Variants in TMC5 observed in about 807,000 individuals in gnomAD.
TMC5 encodes the protein transmembrane channel like 5, also known as transmembrane channel-like protein 5.
Under a neutral mutation model 110.5 loss-of-function variants are expected in TMC5, and 86 were observed. That is an observed-to-expected ratio of 0.78 (90% CI 0.65 to 0.93). The LOEUF is 0.93. Ranked by LOEUF, TMC5 falls within the 40% of genes least tolerant of loss-of-function variation. The pLI, the probability that TMC5 is intolerant of heterozygous loss-of-function variation, is 0.00. For synonymous variants in TMC5, 455 were observed against 439.5 expected, an observed-to-expected ratio of 1.04 and a Z score of -0.44; for missense variants, 1,144 against 1,222.8, an observed-to-expected ratio of 0.94 and a Z score of 0.96.
At chr16:19,414,158 AC>A (rs1389171882), upstream of TMC5, among the ~76,000 whole-genome samples, 1 of 140,376 alleles carries the variant, frequency 7.1e-6, no homozygotes, top group African/African-American at 2.7e-5. Context: ...CCCTCATTGT[AC>A]CCCCTAATTC....
chr16:19,418,048 G>C lies in TMC5; in HGVS notation c.-352G>C, dbSNP rs916651427. On this transcript the variant is annotated 5_prime_UTR_variant, in exon 1 of 22. Coordinates refer to ENST00000542583, the MANE Select transcript of TMC5 (RefSeq NM_001261841.2). ...TGTCCCTCTAGCTTTGAACTACAAA[G>C]TGGAGGGGAAGTTTGTCTGGATTTT... 6.6e-6 allele frequency: 1 copy of C among 152,214 alleles called. No individual in the cohort carries two copies. Among genetic ancestry groups the C allele is most frequent in the African/African-American group, 2.4e-5 (1 of 41,436 alleles). 9.4% of individuals were successfully genotyped at this position (152,214 alleles called of 1,614,324 possible).
chr16:19,454,721 A>G (rs1253777464), intron 5 of TMC5, among the ~76,000 whole-genome samples: 1 of 152,232 alleles, frequency 6.6e-6, no homozygotes, highest in South Asian at 2.1e-4. Flanking sequence ...TTCTACAACT[A>G]TTAAATAAAC....
Position 19,463,947 on chromosome 16 carries a change from T to G in TMC5, c.1408T>G (p.Phe470Val). 1 of 1,614,202 alleles carries G rather than the reference T, an allele frequency of 6.2e-7. No homozygotes were observed. The highest frequency in any genetic ancestry group is 8.5e-7 in the Non-Finnish European group (1 of 1,180,032). The change falls in exon 8 of 22, where the codon TTC (phenylalanine) becomes GTC (valine). Residue 470 changes from phenylalanine to valine, a missense_variant. Coordinates refer to ENST00000542583, the MANE Select transcript of TMC5 (RefSeq NM_001261841.2). ...TTTCTCATTCATCCTGAACTTCAGC[T>G]TCATCATAATCCCTCAGTTTACCGT... ...NIFSFILNFSFIIIPQFTVAK... is the reference protein window; with the variant it reads ...NIFSFILNFSVIIIPQFTVAK...
chr16:19,472,753 G>A (rs1314381158), intron 11 of TMC5, among the ~76,000 whole-genome samples: 1 of 152,188 alleles, frequency 6.6e-6, no homozygotes, highest in Non-Finnish European at 1.5e-5. Context: ...TCTGGCCCCA[G>A]GCCTTGCAGC....
At position 19,481,410 on chromosome 16, in the gene TMC5, G is replaced by T; in HGVS notation, c.2308G>T (p.Glu770Ter). The change falls in exon 15 of 22, where the codon GAG (glutamate) becomes TAG (stop). Residue 770 changes from glutamate to a stop codon, truncating the protein, a stop_gained. Coordinates refer to ENST00000542583, the MANE Select transcript of TMC5 (RefSeq NM_001261841.2). LOFTEE classifies it high-confidence loss of function. ...ACTGATCACAAGTCTTGGCCTTCAG[G>T]AGTTTGACATTGCCAGGAACGTTCT... The part of the protein sequence containing the change: ...MQLITSLGLQ[E>*]FDIARNVLEL... The T allele has an allele frequency of 1.2e-6, 2 of 1,614,136 alleles. No individual in the cohort carries two copies. The highest frequency in any genetic ancestry group is 1.7e-6 in the Non-Finnish European group (2 of 1,180,020).
At chr16:19,459,045 C>CT (rs570759406) in intron 5 of TMC5, among the ~76,000 whole-genome samples, 11,853 of 143,040 alleles carry the variant, frequency 0.083, 1,098 homozygotes, top group African/African-American at 0.24. Flanking sequence ...TTGTTTTTTG[C>CT]TTTTTTTTTT....
chr16:19,447,524 C>T (rs558689245), intron 4 of TMC5, among the ~76,000 whole-genome samples: 92 of 152,220 alleles, frequency 6.0e-4, no homozygotes, highest in Non-Finnish European at 1.1e-3. Flanking sequence ...AATCATTTCA[C>T]ATGTGTTCAC....
intron 5 of TMC5, among the ~76,000 whole-genome samples, chr16:19,453,011 T>A (rs201750041): frequency 1.4e-5 from 2 of 145,486 alleles, no homozygotes; most frequent in Non-Finnish European, 3.0e-5. Flanking sequence ...TATATATATA[T>A]TATATATATA....
chr16:19,436,947 G>T (rs569951644), intron 2 of TMC5, among the ~76,000 whole-genome samples: 1 of 152,160 alleles, frequency 6.6e-6, no homozygotes, highest in Non-Finnish European at 1.5e-5. Context: ...GGGAGGCCGA[G>T]ATCAGATTGC....
At chr16:19,456,636 C>T (rs1003412355) in intron 5 of TMC5, 49 of 1,542,188 alleles carry the variant, frequency 3.2e-5, no homozygotes, top group East Asian at 4.5e-5. Context: ...CCAATCAATG[C>T]GGGTGTGACT....
At position 19,492,943 on chromosome 16, in the gene TMC5, AG is replaced by A. The variant is rs1968951994; in HGVS notation, c.2826+716del. 1.3e-4 allele frequency among the ~76,000 whole-genome samples: 12 copies of A among 92,054 alleles called. 1 individual carries two copies. The highest frequency in any genetic ancestry group is 1.9e-4 in the Non-Finnish European group (8 of 41,926). 60.4% of individuals were successfully genotyped at this position (92,054 alleles called of 152,430 possible). On this transcript the variant is annotated intron_variant, in intron 19 of 21. Transcript: ENST00000542583. ...ATATATATATATATATCTCTCTATAAGATAAATACTTTTATTTCATTTATTT... is the reference window on the plus strand; with the variant it reads ...ATATATATATATATATCTCTCTATAAATAAATACTTTTATTTCATTTATTT...
chr16:19,494,698 T>A (rs958904825), intron 20 of TMC5, among the ~76,000 whole-genome samples: 11 of 152,000 alleles, frequency 7.2e-5, no homozygotes, highest in African/African-American at 2.2e-4. Context: ...CCCCAGCTAC[T>A]TGGGAGGCTG....
At chr16:19,415,103 G>A (rs930760559), upstream of TMC5, among the ~76,000 whole-genome samples, 2 of 152,184 alleles carry the variant, frequency 1.3e-5, no homozygotes, top group African/African-American at 2.4e-5. Context: ...TCTCACTCTG[G>A]AAGCAACCAG....
Position 19,440,063 on chromosome 16 carries a change from T to C in TMC5, c.25T>C (p.Trp9Arg). 1.9e-6 allele frequency: 3 copies of C among 1,613,896 alleles called. No individual in the cohort carries two copies. The highest frequency in any genetic ancestry group is 2.5e-6 in the Non-Finnish European group (3 of 1,179,912). MSAYYRNN[W>R]SEEDPDYPDY... The stretch of plus-strand genomic sequence containing the variant: ...CATGTCTGCCTACTACAGGAATAAC[T>C]GGTCTGAGGAAGACCCAGATTACCC... Residue 9 changes from tryptophan to arginine, a missense_variant, in exon 3 of 22, where the codon TGG becomes CGG. Transcript: ENST00000542583.
Position 19,463,489 on chromosome 16 carries a change from C to T in TMC5, c.1236+122C>T, listed in dbSNP as rs1444803633. ...GAGCAATTTCATTGCCCAGAGCCAA[C>T]GGTTAGTACAGGTGTGGAAAAGCGA... On this transcript the variant is annotated intron_variant, in intron 7 of 21. Coordinates refer to ENST00000542583, the MANE Select transcript of TMC5 (RefSeq NM_001261841.2). 2.1e-5 allele frequency: 20 copies of T among 930,270 alleles called. 1 individual carries two copies. The highest frequency in any genetic ancestry group is 1.5e-4 in the South Asian group (11 of 72,968). 57.6% of individuals were successfully genotyped at this position (930,270 alleles called of 1,614,324 possible). A position where few individuals can be genotyped will look rare whatever the true frequency, so the allele number is the denominator to read the frequency against.
rs924902878 is a variant in TMC5 at position 19,490,665 on chromosome 16, A to G, written c.2747+97A>G. The stretch of plus-strand genomic sequence containing the variant: ...TGGTTGGAAAGCAAATGGCTATAGC[A>G]TAGCTCAGTGTTCTGGGTGACTCTA... On this transcript the variant is annotated intron_variant, in intron 18 of 21. Transcript: ENST00000542583. The G allele has an allele frequency of 7.4e-6, 9 of 1,222,936 alleles. No individual in the cohort carries two copies. In the African/African-American group the frequency reaches 1.4e-4, roughly 18 times the overall value. 75.8% of individuals were successfully genotyped at this position (1,222,936 alleles called of 1,614,324 possible).
intron 1 of TMC5, among the ~76,000 whole-genome samples, chr16:19,418,746 G>A (rs1319536605): frequency 3.1e-5 from 3 of 97,842 alleles, no homozygotes; most frequent in South Asian, 3.5e-4. Flanking sequence ...TTTTTTTTTC[G>A]AGACAATATC....
intron 2 of TMC5, among the ~76,000 whole-genome samples, chr16:19,438,965 T>G (rs1967419094): frequency 6.6e-6 from 1 of 152,110 alleles, no homozygotes; most frequent in South Asian, 2.1e-4. Context: ...AAAAGGGAGA[T>G]GACATAGAAA....
intron 15 of TMC5, among the ~76,000 whole-genome samples, chr16:19,485,140 G>A (rs1295902807): frequency 1.9e-5 from 2 of 105,610 alleles, no homozygotes; most frequent in Non-Finnish European, 4.0e-5. Context: ...ACTCAAATAA[G>A]TTTTTTTTTA....
Sources: gnomAD v4.1 joint callset for allele counts (sites outside exome capture counted in the v4.1 genomes callset) on GRCh38, gnomAD v4.1.1 for gene constraint, MANE v1.5 for transcripts, NCBI Gene and HGNC (gene_info 2026-07-23, HGNC 2026-07-21) for gene names.